The following SBF2 variants were observed in gnomAD, a reference collection of about 807,000 sequenced individuals.
SBF2 encodes myotubularin-related protein 13.
A neutral mutation model predicts 225.2 loss-of-function variants in SBF2; 112 were observed. The observed-to-expected ratio is 0.50, with a 90% CI of 0.43 to 0.58. SBF2 has a LOEUF of 0.58. SBF2 is among the 20% of genes least tolerant of loss of function. The pLI is 0.00. For missense variants in SBF2, 1,996 were observed against 2,206.2 expected, an observed-to-expected ratio of 0.90 and a Z score of 1.91; for synonymous variants, 763 against 773.3, an observed-to-expected ratio of 0.99 and a Z score of 0.22.
chr11:9,966,372 G>A (rs370858259), intron 14 of SBF2, among the ~76,000 whole-genome samples: 14 of 152,180 alleles, frequency 9.2e-5, no homozygotes, highest in African/African-American at 3.4e-4. Flanking sequence ...TTATGGGCGT[G>A]AGCCACCACG....
chr11:9,895,876 T>C (rs1689255653), intron 17 of SBF2, 67 bp downstream of exon 17: 1 of 1,189,050 alleles, frequency 8.4e-7, no homozygotes, highest in Non-Finnish European at 1.3e-6. Context: ...TGTAGTTCCA[T>C]AATAAATCAA....
At chr11:10,121,252 T>C (rs1202670346) in intron 2 of SBF2, among the ~76,000 whole-genome samples, 1 of 152,186 alleles carries the variant, frequency 6.6e-6, no homozygotes, top group Admixed American at 6.5e-5. Context: ...ATGGTTGAAA[T>C]ACAATTAGAT....
intron 13 of SBF2, among the ~76,000 whole-genome samples, chr11:9,987,752 C>T (rs1166820591): frequency 6.6e-6 from 1 of 151,944 alleles, no homozygotes; most frequent in Admixed American, 6.6e-5. Context: ...CAAAACACTG[C>T]TGAAAAAAAT....
chr11:10,060,109 AATT>A (rs1950377963), intron 2 of SBF2, among the ~76,000 whole-genome samples: 1 of 152,198 alleles, frequency 6.6e-6, no homozygotes, highest in Admixed American at 6.5e-5. Context: ...TTTTGAAAAC[AATT>A]AATAAAACAG....
At chr11:10,223,551 T>C (rs1402778813) in intron 1 of SBF2, among the ~76,000 whole-genome samples, 3 of 151,416 alleles carry the variant, frequency 2.0e-5, no homozygotes, top group South Asian at 4.1e-4. Context: ...TGAAAGTTTA[T>C]GTCATCTGTT....
chr11:9,824,433 T>C (rs1046439710), intron 28 of SBF2, among the ~76,000 whole-genome samples: 3 of 151,760 alleles, frequency 2.0e-5, no homozygotes, highest in African/African-American at 4.8e-5. Flanking sequence ...GGCACGTGCC[T>C]GTAATCCCAG....
intron 2 of SBF2, among the ~76,000 whole-genome samples, chr11:10,139,346 C>A (rs747115459): frequency 6.6e-6 from 1 of 152,044 alleles, no homozygotes; most frequent in East Asian, 1.9e-4. Context: ...GTTAGATCAC[C>A]GCCATCCAAA....
At position 10,272,277 on chromosome 11, in the gene SBF2, C is replaced by T. The variant is rs1351324151; in HGVS notation, c.55+21738G>A. 3 of 988,486 alleles carry T rather than the reference C, an allele frequency of 3.0e-6. 1 individual carries two copies. The highest frequency in any genetic ancestry group is 6.5e-5 in the Admixed American group (2 of 30,864). The allele number at this position is 988,486 out of a possible 1,614,324, so 61.2% of individuals were successfully genotyped here. ...GAGGACATGGCGGCGGCGCTGGGCT[C>T]CTAGGGGCTGCAGCAATCTTGATTC... On this transcript the variant is annotated intron_variant, in intron 1 of 39. Coordinates refer to ENST00000256190, the MANE Select transcript of SBF2 (RefSeq NM_030962.4).
chr11:9,833,104 G>T (rs12574765), intron 26 of SBF2, among the ~76,000 whole-genome samples: 1 of 152,140 alleles, frequency 6.6e-6, no homozygotes, highest in Non-Finnish European at 1.5e-5. Flanking sequence ...GCCAATATTA[G>T]ACTGCCTGAG....
At chr11:10,111,226 A>G (rs1379954558) in intron 2 of SBF2, among the ~76,000 whole-genome samples, 1 of 152,178 alleles carries the variant, frequency 6.6e-6, no homozygotes, top group Non-Finnish European at 1.5e-5. Context: ...GAAATACTTC[A>G]TGCTTGCTCC....
intron 15 of SBF2, among the ~76,000 whole-genome samples, chr11:9,963,527 T>C (rs1227485072): frequency 1.3e-5 from 2 of 152,210 alleles, no homozygotes; most frequent in Non-Finnish European, 2.9e-5. Context: ...AATAGTGTTT[T>C]GTGAACAATG....
intron 2 of SBF2, among the ~76,000 whole-genome samples, chr11:10,101,377 C>T (rs1952294415): frequency 6.6e-6 from 1 of 152,124 alleles, no homozygotes; most frequent in African/African-American, 2.4e-5. Flanking sequence ...TTTGCTTTGG[C>T]TGGGATGGAA....
At chr11:9,934,135 G>A (rs893802949) in intron 16 of SBF2, among the ~76,000 whole-genome samples, 3 of 151,884 alleles carry the variant, frequency 2.0e-5, no homozygotes, top group South Asian at 2.1e-4. Context: ...TATCACCACC[G>A]ATCCCACAGA....
At chr11:10,064,611 C>A (rs1462965830) in intron 2 of SBF2, among the ~76,000 whole-genome samples, 1 of 152,042 alleles carries the variant, frequency 6.6e-6, no homozygotes, top group Non-Finnish European at 1.5e-5. Flanking sequence ...TATTATGCTA[C>A]CATTAAATAA....
At chr11:10,300,359 G>A (rs1964583347) in intron 1 of SBF2, among the ~76,000 whole-genome samples, 1 of 152,066 alleles carries the variant, frequency 6.6e-6, no homozygotes, top group Admixed American at 6.5e-5. Flanking sequence ...AATTCATTCA[G>A]GCTTATAAAT....
In SBF2 at chr11:9,787,634, G is replaced by A. The variant is rs200784979; in HGVS notation, c.5037C>T (p.Arg1679=). 805 of 1,613,646 alleles carry A rather than the reference G, an allele frequency of 5.0e-4. No individual in the cohort carries two copies. The highest frequency in any genetic ancestry group is 2.8e-3 in the East Asian group (124 of 44,880). ...VDLKEEPRTD[R]SQRHLSRSPG... is the part of the protein sequence containing the mutation. ...CTCTCAAGGGGCATTGCCAACTCAC[G>A]CGATCTGTTCTTGGTTCTTCTTTAA... is the stretch of plus-strand genomic sequence containing the variant. The change falls in exon 36 of 40, where the codon CGC becomes CGT. Residue 1679 remains arginine, a splice_region_variant and synonymous_variant. Coordinates refer to ENST00000256190, the MANE Select transcript of SBF2 (RefSeq NM_030962.4).
intron 16 of SBF2, among the ~76,000 whole-genome samples, chr11:9,901,362 A>C (rs918904364): frequency 1.3e-5 from 2 of 152,208 alleles, no homozygotes; most frequent in African/African-American, 4.8e-5. Flanking sequence ...CCATTAGAAG[A>C]ATATAAACCA....
At chr11:9,818,719 A>C (rs1185958282) in intron 28 of SBF2, among the ~76,000 whole-genome samples, 1 of 152,150 alleles carries the variant, frequency 6.6e-6, no homozygotes, top group African/African-American at 2.4e-5. Context: ...TTTCAGCTTC[A>C]CATGCACGAA....
At chr11:10,180,189 A>T (rs1956678197) in intron 2 of SBF2, among the ~76,000 whole-genome samples, 1 of 152,044 alleles carries the variant, frequency 6.6e-6, no homozygotes, top group African/African-American at 2.4e-5. Flanking sequence ...GTACCTTCAG[A>T]TGATGTCTTA....
Sources: allele counts gnomAD v4.1 joint callset (sites outside exome capture counted in the v4.1 genomes callset), GRCh38; gene constraint gnomAD v4.1.1; transcripts MANE v1.5; gene names NCBI Gene and HGNC (gene_info 2026-07-23, HGNC 2026-07-21).